Variants in RAD50 observed in about 807,000 individuals in gnomAD.
RAD50 encodes DNA repair protein RAD50.
RAD50 carries 132 observed loss-of-function variants against 168.8 expected under a neutral mutation model. The ratio of observed to expected loss-of-function variants is 0.78; its 90% CI spans 0.68 to 0.90. The LOEUF (loss-of-function observed/expected upper bound fraction) is 0.90, where lower values mean the gene tolerates loss of function less well. Among genes scored for constraint, RAD50 ranks in the 40% least tolerant of loss-of-function variants. The pLI is 0.00. For synonymous variants in RAD50, 525 were observed against 497.4 expected, an observed-to-expected ratio of 1.06 and a Z score of -0.74; for missense variants, 1,347 against 1,534.4, an observed-to-expected ratio of 0.88 and a Z score of 2.04.
At chr5:132,580,736 T>A (rs1459499016) in intron 5 of RAD50, among the ~76,000 whole-genome samples, 1 of 152,196 alleles carries the variant, frequency 6.6e-6, no homozygotes, top group African/African-American at 2.4e-5. Context: ...TTATTGGGTG[T>A]CTTCTTTGTA....
In RAD50 at chr5:132,616,054, G is replaced by A. The variant is rs758803773; in HGVS notation, c.3088G>A (p.Glu1030Lys). The A allele has an allele frequency of 7.5e-6, 12 of 1,607,024 alleles. No homozygotes were observed. In the South Asian group the frequency reaches 9.9e-5, roughly 13 times the overall value. The change falls in exon 20 of 25, where the codon GAA (glutamate) becomes AAA (lysine). Residue 1030 changes from glutamate to lysine, a missense_variant. Physicochemically the swap from Glu to Lys is moderately conservative, Grantham distance 56. Around this residue, in one of 3 missense-constraint regions of RAD50, gnomAD observed 635 missense variants for 739.2 expected, o/e 0.86. Coordinates refer to ENST00000378823, the MANE Select transcript of RAD50 (RefSeq NM_005732.4). ...CCTTACTTTAAGAAAAAGAAATGAGGAACTAAAAGAAGTTGAAGAAGAAAG... is the reference window on the plus strand; with the variant it reads ...CCTTACTTTAAGAAAAAGAAATGAGAAACTAAAAGAAGTTGAAGAAGAAAG... ...DNLTLRKRNE[E>K]LKEVEEERKQ...
intron 5 of RAD50, among the ~76,000 whole-genome samples, chr5:132,580,705 A>T (rs1392613044): frequency 6.6e-6 from 1 of 152,186 alleles, no homozygotes; most frequent in East Asian, 1.9e-4. Flanking sequence ...AGGAAATTCC[A>T]TTCATTCATT....
At chr5:132,596,955 T>C (rs1165016098) in intron 13 of RAD50, among the ~76,000 whole-genome samples, 1 of 152,166 alleles carries the variant, frequency 6.6e-6, no homozygotes, top group African/African-American at 2.4e-5. Context: ...TATGCTGCAG[T>C]AGAAATGTTA....
intron 19 of RAD50, among the ~76,000 whole-genome samples, chr5:132,611,811 T>G (rs1044632413): frequency 3.3e-5 from 5 of 152,010 alleles, no homozygotes; most frequent in African/African-American, 4.8e-5. Flanking sequence ...AATGTCTCTA[T>G]TCATAGAAAG....
At chr5:132,597,156 A>G (rs1289808797) in intron 13 of RAD50, among the ~76,000 whole-genome samples, 2 of 152,226 alleles carry the variant, frequency 1.3e-5, no homozygotes, top group Non-Finnish European at 2.9e-5. Context: ...AGAAAAGCTC[A>G]GGAAGCAGAA....
In RAD50 at chr5:132,589,615, T is replaced by G. The variant is rs1561639963; in HGVS notation, c.1246-16T>G. ...TTAGTAAATTATTAATGCTCATTCT[T>G]TACATATGCATTTAGAATGACTTTG... On this transcript the variant is annotated splice_polypyrimidine_tract_variant and intron_variant, in intron 8 of 24. Transcript: ENST00000378823. 1.3e-6 allele frequency: 2 copies of G among 1,528,584 alleles called. No individual in the cohort carries two copies. The highest frequency in any genetic ancestry group is 1.8e-6 in the Non-Finnish European group (2 of 1,124,186). 94.7% of individuals were successfully genotyped at this position (1,528,584 alleles called of 1,614,324 possible). A position where few individuals can be genotyped will look rare whatever the true frequency, so the allele number is the denominator to read the frequency against.
intron 24 of RAD50, chr5:132,641,653 C>A (rs1751723810): frequency 6.3e-6 from 1 of 157,596 alleles, no homozygotes; most frequent in Non-Finnish European, 1.4e-5. Context: ...CACTCAGGTC[C>A]CTGTGTGTCA....
chr5:132,625,930 T>C (rs1439501093), intron 21 of RAD50, among the ~76,000 whole-genome samples: 1 of 151,968 alleles, frequency 6.6e-6, no homozygotes, highest in East Asian at 1.9e-4. Context: ...AGACGGAGTC[T>C]CTGTCTCCCA....
intron 14 of RAD50, among the ~76,000 whole-genome samples, 170 bp downstream of exon 14, chr5:132,603,659 G>A (rs1750928708): frequency 6.6e-6 from 1 of 152,154 alleles, no homozygotes; most frequent in Non-Finnish European, 1.5e-5. Context: ...ACATCCCTGG[G>A]TTTAAACTTT....
At chr5:132,619,834 C>CTATATATATATATAGAGATATATA (rs1491455950) in intron 21 of RAD50, among the ~76,000 whole-genome samples, 1 of 117,120 alleles carries the variant, frequency 8.5e-6, no homozygotes, top group Non-Finnish European at 1.6e-5. Flanking sequence ...CTCTCTCTCT[C>CTATATATATATATAGAGATATATA]TCTATATATA....
rs115100130 is a variant in RAD50 at position 132,588,903 on chromosome 5, T to C, written c.1245+23T>C. The C allele has an allele frequency of 1.3e-3, 1,988 of 1,586,478 alleles. 32 individuals carry two copies. The African/African-American group carries it at 0.023, about 18-fold the overall frequency. On this transcript the variant is annotated intron_variant, in intron 8 of 24. Coordinates refer to ENST00000378823, the MANE Select transcript of RAD50 (RefSeq NM_005732.4). ...ATGGCAAGTATTTTGAAATACAGTA[T>C]TTGTTATTTTGTTTGCATCATATTC...
chr5:132,628,721 C>A (rs1365986034), intron 21 of RAD50, among the ~76,000 whole-genome samples: 1 of 152,052 alleles, frequency 6.6e-6, no homozygotes, highest in South Asian at 2.1e-4. Context: ...TGGTGCCTAG[C>A]CTGTAATCCC....
intron 9 of RAD50, 87 bp downstream of exon 9, chr5:132,589,924 A>G (rs929225979): frequency 1.6e-6 from 2 of 1,216,170 alleles, no homozygotes; most frequent in African/African-American, 3.1e-5. Flanking sequence ...AGATTATAGC[A>G]TTTTAATAAA....
intron 11 of RAD50, 46 bp from the exon 12 acceptor site, chr5:132,594,823 A>G: frequency 6.4e-7 from 1 of 1,550,800 alleles, no homozygotes; most frequent in Non-Finnish European, 8.9e-7. Context: ...TTTCAAACTA[A>G]TTTCTCCTAT....
At chr5:132,633,207 C>T (rs764264694) in intron 21 of RAD50, among the ~76,000 whole-genome samples, 10 of 148,642 alleles carry the variant, frequency 6.7e-5, no homozygotes, top group Non-Finnish European at 5.9e-5. Flanking sequence ...CGGGTTGAAG[C>T]GATTCTCCTG....
rs1751507127 is a variant in RAD50, at chr5:132,633,122, A to G, written c.3390-3993A>G. 4.2e-5 allele frequency among the ~76,000 whole-genome samples: 5 copies of G among 118,952 alleles called. No individual in the cohort carries two copies. The Admixed American group carries it at 4.9e-4, about 12-fold the overall frequency. The allele number at this position is 118,952 out of a possible 152,430, so 78.0% of individuals were successfully genotyped here. Reference sequence around the variant, plus strand: ...TCTTTTTTTTTTTTTTTTTTTTGAGACAGAGTCTAGCTCTGTCGTCCAGGC... The same window carrying G: ...TCTTTTTTTTTTTTTTTTTTTTGAGGCAGAGTCTAGCTCTGTCGTCCAGGC... On this transcript the variant is annotated intron_variant, in intron 21 of 24. Coordinates refer to ENST00000378823, the MANE Select transcript of RAD50 (RefSeq NM_005732.4).
chr5:132,605,905 G>C (rs1750977444), intron 16 of RAD50, among the ~76,000 whole-genome samples: 4 of 152,170 alleles, frequency 2.6e-5, no homozygotes, highest in Admixed American at 2.6e-4. Flanking sequence ...AATGAAGGCA[G>C]AAATAAAGAT....
At position 132,643,882 on chromosome 5, in the gene RAD50, C is replaced by T. The variant is rs1423978954; in HGVS notation, c.*1518C>T. ...GATAAATCCATCACTATAATAAAAC[C>T]GAAGGTGAAAAAAATTCTGAAAAAA... On this transcript the variant is annotated 3_prime_UTR_variant, in exon 25 of 25. Coordinates refer to ENST00000378823, the MANE Select transcript of RAD50 (RefSeq NM_005732.4). 4.3e-6 allele frequency: 1 copy of T among 230,662 alleles called. No individual in the cohort carries two copies. Among genetic ancestry groups the T allele is most frequent in the Non-Finnish European group, 8.6e-6 (1 of 116,870 alleles). The allele number at this position is 230,662 out of a possible 1,614,324, so 14.3% of individuals were successfully genotyped here.
chr5:132,557,610 G>C (rs938804699), intron 1 of RAD50, among the ~76,000 whole-genome samples, 157 bp downstream of exon 1: 5 of 152,190 alleles, frequency 3.3e-5, no homozygotes, highest in Admixed American at 3.3e-4. Flanking sequence ...AGGCTACAGC[G>C]ACCTTAGGAG....
Sources: gnomAD v4.1 joint callset for allele counts (sites outside exome capture counted in the v4.1 genomes callset) on GRCh38, gnomAD v4.1.1 for gene constraint, gnomAD v4.1.1 regional missense constraint, MANE v1.5 for transcripts, NCBI Gene and HGNC (gene_info 2026-07-23, HGNC 2026-07-21) for gene names.